Variants in SRSF11 observed in about 807,000 individuals in gnomAD.
The protein encoded by SRSF11 is serine and arginine rich splicing factor 11.
SRSF11 carries 9 observed loss-of-function variants against 56.0 expected under a neutral mutation model. That is an observed-to-expected ratio of 0.16 (90% confidence interval 0.10 to 0.28). The LOEUF (loss-of-function observed/expected upper bound fraction) is 0.28. Among genes scored for constraint, SRSF11 ranks in the 10% least tolerant of loss-of-function variants. The probability of loss-of-function intolerance (pLI) is 1.00; values close to 1 mark genes in which losing one functional copy is unlikely to be tolerated. For synonymous variants in SRSF11, 222 were observed against 215.3 expected (o/e 1.03, Z -0.27); for missense variants, 421 against 600.7 (o/e 0.70, Z 3.13).
intron 1 of SRSF11, among the ~76,000 whole-genome samples, chr1:70,215,859 C>G (rs1669954851): frequency 1.3e-5 from 2 of 152,110 alleles, no homozygotes; most frequent in Non-Finnish European, 2.9e-5. Flanking sequence ...CTTGAGTCAC[C>G]ACAACCTCCA....
intron 2 of SRSF11, chr1:70,228,990 A>G (rs1672383484): frequency 2.8e-5 from 27 of 980,890 alleles, no homozygotes; most frequent in Non-Finnish European, 3.3e-5. Context: ...CCTCACATTG[A>G]TAATCTGGAA....
At chr1:70,215,313 T>C (rs1444395280) in intron 1 of SRSF11, among the ~76,000 whole-genome samples, 1 of 152,236 alleles carries the variant, frequency 6.6e-6, no homozygotes, top group African/African-American at 2.4e-5. Context: ...GAGAGTTTGC[T>C]CAACCAAATT....
chr1:70,249,760 A>ATG (rs1198163240), intron 9 of SRSF11, 192 bp from the exon 10 acceptor site: 1 of 538,710 alleles, frequency 1.9e-6, no homozygotes, highest in African/African-American at 1.9e-5. Flanking sequence ...GAGTTTCACC[A>ATG]TGTTGCCCAG....
intron 1 of SRSF11, among the ~76,000 whole-genome samples, 159 bp downstream of exon 1, chr1:70,221,998 C>CA (rs910631280): frequency 6.6e-6 from 1 of 151,826 alleles, no homozygotes; most frequent in African/African-American, 2.4e-5. Context: ...TCCAGGCCTA[C>CA]AAAAAAATGC....
intron 1 of SRSF11, among the ~76,000 whole-genome samples, chr1:70,225,646 A>C (rs1229625181): frequency 2.0e-5 from 3 of 152,166 alleles, no homozygotes; most frequent in Non-Finnish European, 4.4e-5. Context: ...GAACAACGGA[A>C]ATCTCAGGTT....
chr1:70,250,308 C>T, intron 10 of SRSF11, 57 bp from the exon 11 acceptor site: 1 of 1,589,796 alleles, frequency 6.3e-7, no homozygotes, highest in Non-Finnish European at 8.5e-7. Context: ...GAAATTGAGT[C>T]AGGCTCATCA....
intron 7 of SRSF11, among the ~76,000 whole-genome samples, chr1:70,239,972 C>T (rs1470310567): frequency 6.6e-6 from 1 of 152,260 alleles, no homozygotes; most frequent in South Asian, 2.1e-4. Context: ...GCAACAGATT[C>T]ATCTATTTTC....
intron 1 of SRSF11, among the ~76,000 whole-genome samples, chr1:70,209,328 T>C (rs896368788): frequency 5.9e-5 from 9 of 152,218 alleles, no homozygotes; most frequent in African/African-American, 1.9e-4. Context: ...GTTTATAAAA[T>C]GGAGTCAAGT....
chr1:70,246,754 G>C, intron 8 of SRSF11, 64 bp from the exon 9 acceptor site: 1 of 975,092 alleles, frequency 1.0e-6, no homozygotes, highest in South Asian at 1.5e-5. Context: ...TGTGTTTGTA[G>C]TGCTATATAA....
upstream of SRSF11, chr1:70,221,295 A>C (rs751027094): frequency 3.3e-6 from 1 of 299,192 alleles, no homozygotes; most frequent in Non-Finnish European, 6.2e-6. Flanking sequence ...CTCGGGCTGC[A>C]GGCGACGGCT....
At chr1:70,228,772 T>G in intron 2 of SRSF11, 1 of 1,205,018 alleles carries the variant, frequency 8.3e-7, no homozygotes, top group African/African-American at 1.6e-5. Context: ...TTGTTTTCTT[T>G]TAAAACATTT....
chr1:70,221,539 CCTCCTCTCT>C lies in SRSF11; in HGVS notation c.-96_-88del. 1 of 1,473,416 alleles carries C rather than the reference CCTCCTCTCT, an allele frequency of 6.8e-7. No individual in the cohort carries two copies. The highest frequency in any genetic ancestry group is 9.1e-7 in the Non-Finnish European group (1 of 1,096,344). The allele number at this position is 1,473,416 out of a possible 1,614,324, so 91.3% of individuals were successfully genotyped here. ...TAGCAGAGGCTGTAGCATCGGACAC[CCTCCTCTCT>C]CCCGCAATCCGGTTCCTCTTCCCCC... is the stretch of plus-strand genomic sequence containing the variant. On this transcript the variant is annotated 5_prime_UTR_variant, in exon 1 of 12. Coordinates refer to ENST00000370949, the MANE Select transcript of SRSF11 (RefSeq NM_001350605.2).
intron 1 of SRSF11, among the ~76,000 whole-genome samples, chr1:70,215,696 G>A (rs1669943474): frequency 6.6e-6 from 1 of 152,220 alleles, no homozygotes; most frequent in Non-Finnish European, 1.5e-5. Flanking sequence ...CCGTTAGTGT[G>A]AACAAAAGTG....
chr1:70,217,578 G>A (rs370165159), upstream of SRSF11, among the ~76,000 whole-genome samples: 27 of 152,108 alleles, frequency 1.8e-4, 1 homozygote, highest in East Asian at 2.7e-3. Context: ...ACAGATTTAC[G>A]TACATAATAT....
intron 1 of SRSF11, among the ~76,000 whole-genome samples, chr1:70,209,779 T>TTTTTTG (rs1669388294): frequency 3.6e-5 from 5 of 138,166 alleles, no homozygotes; most frequent in Admixed American, 7.3e-5. Flanking sequence ...TTTTTTTTTT[T>TTTTTTG]GTAGAGATGA....
Position 70,252,725 on chromosome 1 carries a change from G to T in SRSF11, c.*1920G>T, listed in dbSNP as rs1251190184. 1 of 148,776 alleles carries T rather than the reference G, an allele frequency of 6.7e-6. No homozygotes were observed. Among genetic ancestry groups the T allele is most frequent in the African/African-American group, 2.6e-5 (1 of 38,232 alleles). 9.2% of individuals were successfully genotyped at this position (148,776 alleles called of 1,614,324 possible). A position where few individuals can be genotyped will look rare whatever the true frequency, so the allele number is the denominator to read the frequency against. On this transcript the variant is annotated 3_prime_UTR_variant, in exon 12 of 12. Coordinates refer to ENST00000370949, the MANE Select transcript of SRSF11 (RefSeq NM_001350605.2). Reference sequence around the variant, plus strand: ...TGAACCATGTGACATGGGCATTTTTGTAAGTCAAAAACAAATTTCACATAT... The same window carrying T: ...TGAACCATGTGACATGGGCATTTTTTTAAGTCAAAAACAAATTTCACATAT...
At chr1:70,222,551 T>C (rs1322558862) in intron 1 of SRSF11, among the ~76,000 whole-genome samples, 1 of 152,184 alleles carries the variant, frequency 6.6e-6, no homozygotes, top group Non-Finnish European at 1.5e-5. Context: ...ATTATTTCTA[T>C]CGCAAGAATA....
chr1:70,232,228 A>G (rs1420240277), intron 2 of SRSF11, 40 bp from the exon 3 acceptor site: 12 of 1,614,018 alleles, frequency 7.4e-6, no homozygotes, highest in Non-Finnish European at 1.0e-5. Context: ...TTTCTGTCTT[A>G]GAAAAGAATG....
intron 8 of SRSF11, 24 bp downstream of exon 8, chr1:70,244,839 A>G: frequency 6.2e-7 from 1 of 1,612,988 alleles, no homozygotes; most frequent in Non-Finnish European, 8.5e-7. Context: ...TGAGAAAGCA[A>G]ATTTTAGGGT....
Sources: gnomAD v4.1 joint callset for allele counts (sites outside exome capture counted in the v4.1 genomes callset) on GRCh38, gnomAD v4.1.1 for gene constraint, MANE v1.5 for transcripts, NCBI Gene and HGNC (gene_info 2026-07-23, HGNC 2026-07-21) for gene names.